The following DPP10 variants were observed in gnomAD, a reference collection of about 807,000 sequenced individuals.
The protein encoded by DPP10 is inactive dipeptidyl peptidase 10.
A neutral mutation model predicts 120.9 loss-of-function variants in DPP10; 33 were observed. The ratio of observed to expected loss-of-function variants is 0.27; its 90% confidence interval spans 0.21 to 0.37. The LOEUF (loss-of-function observed/expected upper bound fraction) is 0.37, where lower values mean the gene tolerates loss of function less well. DPP10 is among the 10% of genes least tolerant of loss of function. The pLI is 1.00. For synonymous variants in DPP10, 337 were observed against 326.1 expected, an observed-to-expected ratio of 1.03 and a Z score of -0.36; for missense variants, 816 against 942.8, an observed-to-expected ratio of 0.87 and a Z score of 1.76.
In DPP10 at chr2:115,843,723, T is replaced by C. The variant is rs1690374532; in HGVS notation, c.*1378T>C. 6.6e-6 allele frequency: 1 copy of C among 152,182 alleles called. No individual in the cohort carries two copies. Among genetic ancestry groups the C allele is most frequent in the South Asian group, 2.1e-4 (1 of 4,830 alleles). 9.4% of individuals were successfully genotyped at this position (152,182 alleles called of 1,614,324 possible). A position where few individuals can be genotyped will look rare whatever the true frequency, so the allele number is the denominator to read the frequency against. On this transcript the variant is annotated 3_prime_UTR_variant, in exon 26 of 26. Coordinates refer to ENST00000410059, the MANE Select transcript of DPP10 (RefSeq NM_020868.6). ...AAGTCAATTTAAGTGATGAGAACATTTAACTTTGGTGACTAAAGTCAGAAT... is the reference window on the plus strand; with the variant it reads ...AAGTCAATTTAAGTGATGAGAACATCTAACTTTGGTGACTAAAGTCAGAAT...
intron 1 of DPP10, among the ~76,000 whole-genome samples, chr2:115,244,239 T>TATATATATATATAGAG (rs1348001277): frequency 1.1e-5 from 1 of 93,476 alleles, no homozygotes; most frequent in African/African-American, 3.8e-5. Context: ...TATATATATA[T>TATATATATATATAGAG]AGAGAGAGAG....
intron 13 of DPP10, among the ~76,000 whole-genome samples, chr2:115,769,494 A>G (rs928900196): frequency 6.6e-6 from 1 of 152,046 alleles, no homozygotes; most frequent in Non-Finnish European, 1.5e-5. Flanking sequence ...CATTGTTTTA[A>G]CTTTAATTTT....
intron 1 of DPP10, among the ~76,000 whole-genome samples, chr2:114,809,741 C>G (rs1419939044): frequency 1.3e-5 from 2 of 152,124 alleles, no homozygotes; most frequent in East Asian, 1.9e-4. Context: ...TACCTGCATA[C>G]GGCTTGCGAA....
At chr2:114,462,187 T>C in intron 1 of DPP10, 3 of 982,402 alleles carry the variant, frequency 3.1e-6, no homozygotes, top group Non-Finnish European at 3.6e-6. Context: ...TAGAATAGTT[T>C]GATATTTACC....
intron 1 of DPP10, among the ~76,000 whole-genome samples, chr2:114,492,865 T>C (rs1682127267): frequency 6.6e-6 from 1 of 152,136 alleles, no homozygotes; most frequent in Admixed American, 6.5e-5. Flanking sequence ...TAACAAATGT[T>C]TGTTGGGCAT....
intron 1 of DPP10, among the ~76,000 whole-genome samples, chr2:115,149,108 T>C (rs1217059938): frequency 6.6e-6 from 1 of 152,176 alleles, no homozygotes; most frequent in Admixed American, 6.5e-5. Context: ...GGTGCCAATT[T>C]ACATGTTCTT....
chr2:115,346,317 C>T (rs1285007931), intron 3 of DPP10, among the ~76,000 whole-genome samples: 2 of 152,068 alleles, frequency 1.3e-5, no homozygotes, highest in African/African-American at 4.8e-5. Flanking sequence ...TTTCTTTGTA[C>T]ATAAGTCACT....
chr2:115,435,257 T>C (rs1289767371), intron 3 of DPP10, among the ~76,000 whole-genome samples: 2 of 151,878 alleles, frequency 1.3e-5, no homozygotes, highest in African/African-American at 4.8e-5. Context: ...GAAGGAACAC[T>C]ATATTGCTTG....
At chr2:115,432,282 T>A (rs978126603) in intron 3 of DPP10, among the ~76,000 whole-genome samples, 3 of 152,096 alleles carry the variant, frequency 2.0e-5, no homozygotes, top group Non-Finnish European at 4.4e-5. Context: ...TTTAAGCTAT[T>A]ATGAGCTTGG....
Position 115,573,276 on chromosome 2 carries a change from A to ATTT in DPP10, c.441+47326_441+47328dup, listed in dbSNP as rs34420249. Among the ~76,000 whole-genome samples, 22 of 86,526 alleles carry ATTT rather than the reference A, an allele frequency of 2.5e-4. 1 individual carries two copies. Among genetic ancestry groups the ATTT allele is most frequent in the African/African-American group, 6.1e-4 (14 of 22,864 alleles). The allele number at this position is 86,526 out of a possible 152,430, so 56.8% of individuals were successfully genotyped here. ...CTGCATGAAGCCCAGGCTTCCTGGG[A>ATTT]TTTTTTTTTTTTTTTTTTTTTTTTG... On this transcript the variant is annotated intron_variant, in intron 5 of 25. Transcript: ENST00000410059.
intron 1 of DPP10, among the ~76,000 whole-genome samples, chr2:114,823,563 C>T (rs150837354): frequency 6.6e-6 from 1 of 152,238 alleles, no homozygotes; most frequent in African/African-American, 2.4e-5. Context: ...ATTCCCCACC[C>T]CAAAGGAGAT....
chr2:114,710,740 G>A (rs200622378), intron 1 of DPP10, among the ~76,000 whole-genome samples: 3 of 151,916 alleles, frequency 2.0e-5, no homozygotes, highest in Non-Finnish European at 2.9e-5. Context: ...GCAAGACTCC[G>A]TCTAAAAAAA....
chr2:115,699,702 C>T (rs1053904277), intron 7 of DPP10, among the ~76,000 whole-genome samples: 1 of 152,148 alleles, frequency 6.6e-6, no homozygotes, highest in South Asian at 2.1e-4. Flanking sequence ...CCAGCATTAT[C>T]CTGATACAAA....
intron 13 of DPP10, among the ~76,000 whole-genome samples, chr2:115,769,945 GA>G (rs34907773): frequency 0.27 from 41,328 of 151,646 alleles, 5,952 homozygotes; most frequent in Middle Eastern, 0.45. Context: ...TTATATTCTA[GA>G]AGCTCTGTGA....
intron 5 of DPP10, among the ~76,000 whole-genome samples, chr2:115,555,571 AT>A (rs758959720): frequency 5.5e-4 from 84 of 152,218 alleles, no homozygotes; most frequent in Non-Finnish European, 1.1e-3. Context: ...AGAAGGGAAC[AT>A]TTCCACAAGG....
chr2:115,782,528 T>G (rs909186909), intron 17 of DPP10, 129 bp downstream of exon 17: 5 of 796,474 alleles, frequency 6.3e-6, no homozygotes, highest in Non-Finnish European at 1.0e-5. Flanking sequence ...GAAAGCTGCG[T>G]GTATACCATC....
At chr2:115,300,474 T>C (rs145790374) in intron 1 of DPP10, among the ~76,000 whole-genome samples, 2 of 152,196 alleles carry the variant, frequency 1.3e-5, no homozygotes, top group Non-Finnish European at 2.9e-5. Context: ...TTTGTTATTC[T>C]TTTCATTTAC....
chr2:115,373,816 G>C (rs941610035), intron 3 of DPP10, among the ~76,000 whole-genome samples: 14 of 151,504 alleles, frequency 9.2e-5, no homozygotes, highest in Non-Finnish European at 2.1e-4. Flanking sequence ...TGACTGTGAG[G>C]CTTCAGGAAA....
intron 1 of DPP10, among the ~76,000 whole-genome samples, chr2:114,493,251 C>T (rs1211507100): frequency 6.6e-6 from 1 of 152,084 alleles, no homozygotes; most frequent in Admixed American, 6.6e-5. Context: ...GTAAGTGGAG[C>T]AAGTTACCTT....
Sources: allele counts gnomAD v4.1 joint callset (sites outside exome capture counted in the v4.1 genomes callset), GRCh38; gene constraint gnomAD v4.1.1; transcripts MANE v1.5; gene names NCBI Gene and HGNC (gene_info 2026-07-23, HGNC 2026-07-21).